Variants in SPART observed in about 807,000 individuals in gnomAD.
SPART encodes spartin, also known as spastic paraplegia 20 (Troyer syndrome).
SPART carries 35 observed loss-of-function variants against 58.7 expected under a neutral mutation model. That is an observed-to-expected ratio of 0.60 (90% confidence interval 0.46 to 0.79). The LOEUF (loss-of-function observed/expected upper bound fraction) is 0.79, where lower values mean the gene tolerates loss of function less well. Ranked by LOEUF, SPART falls within the 30% of genes least tolerant of loss-of-function variation. SPART has a pLI of 0.00. For missense variants in SPART, 730 were observed against 786.1 expected, an observed-to-expected ratio of 0.93 and a Z score of 0.85; for synonymous variants, 284 against 280.7, an observed-to-expected ratio of 1.01 and a Z score of -0.12.
intron 1 of SPART, among the ~76,000 whole-genome samples, chr13:36,340,220 A>T (rs1884440002): frequency 6.6e-6 from 1 of 151,930 alleles, no homozygotes; most frequent in Admixed American, 6.6e-5. Flanking sequence ...AATATTAGCC[A>T]GGCGTGGTGG....
chr13:36,334,376 C>T (rs1429882540), intron 2 of SPART, among the ~76,000 whole-genome samples: 3 of 152,074 alleles, frequency 2.0e-5, no homozygotes, highest in African/African-American at 7.2e-5. Context: ...AAATTATCAC[C>T]ACAGTCTCGA....
chr13:36,356,252 G>A (rs768584058), intron 1 of SPART, among the ~76,000 whole-genome samples: 2 of 152,124 alleles, frequency 1.3e-5, no homozygotes, highest in Non-Finnish European at 2.9e-5. Context: ...GGCGAGTCTC[G>A]CTGGCTGGTC....
chr13:36,366,979 C>T (rs535140646), intron 1 of SPART, among the ~76,000 whole-genome samples: 4 of 152,258 alleles, frequency 2.6e-5, no homozygotes, highest in African/African-American at 9.6e-5. Flanking sequence ...TTAGATCCAC[C>T]CCAGGAGGAG....
Position 36,331,556 on chromosome 13 carries a change from G to T in SPART, c.851C>A (p.Pro284Gln), listed in dbSNP as rs373829159. The T allele has an allele frequency of 4.3e-6, 7 of 1,613,834 alleles. No homozygotes were observed. The highest frequency in any genetic ancestry group is 5.1e-6 in the Non-Finnish European group (6 of 1,179,972). Residue 284 changes from proline (P) to glutamine (Q), a missense_variant, in exon 3 of 9, where the codon CCG (proline) becomes CAG (glutamine). Transcript: ENST00000438666. Reference sequence around the variant, plus strand: ...GGCTCCCGCAGTACATTTCAGAACCGGAGATCTATCAGGAACTAGAGGATA... The same window carrying T: ...GGCTCCCGCAGTACATTTCAGAACCTGAGATCTATCAGGAACTAGAGGATA... ...WLYPLVPDRS[P>Q]VLKCTAGAYM... is the part of the protein sequence containing the mutation.
At chr13:36,305,178 C>T (rs897808827) in intron 8 of SPART, among the ~76,000 whole-genome samples, 3 of 152,162 alleles carry the variant, frequency 2.0e-5, no homozygotes, top group Admixed American at 2.0e-4. Context: ...ACCAAGCACT[C>T]AAAGGCCTTA....
chr13:36,354,289 A>T (rs1885535250), intron 1 of SPART, among the ~76,000 whole-genome samples: 1 of 152,166 alleles, frequency 6.6e-6, no homozygotes, highest in East Asian at 1.9e-4. Flanking sequence ...GTCCAGGAAA[A>T]GGTGAATAAC....
chr13:36,306,721 A>C (rs1430084970), intron 8 of SPART, among the ~76,000 whole-genome samples: 1 of 151,384 alleles, frequency 6.6e-6, no homozygotes, highest in Non-Finnish European at 1.5e-5. Context: ...GCTATCTCCA[A>C]TGTCAGTAAC....
intron 4 of SPART, 60 bp downstream of exon 4, chr13:36,329,302 T>C: frequency 1.3e-6 from 2 of 1,586,162 alleles, no homozygotes; most frequent in South Asian, 1.1e-5. Context: ...TATAAATACA[T>C]GAAACTGGAG....
Position 36,365,550 on chromosome 13 carries a change from G to A in SPART, c.-3+4539C>T, listed in dbSNP as rs561264724. The A allele has an allele frequency of 4.7e-5, 21 of 450,784 alleles. 1 individual carries two copies. Among genetic ancestry groups the A allele is most frequent in the South Asian group, 3.0e-4 (18 of 59,106 alleles). 27.9% of individuals were successfully genotyped at this position (450,784 alleles called of 1,614,324 possible). ...TCCTGGATTTCTTCTCCTATAAACC[G>A]CCTATTGATACCTACCCACTTCTCT... is the stretch of plus-strand genomic sequence containing the variant. On this transcript the variant is annotated intron_variant, in intron 1 of 8. Coordinates refer to the SPART transcript ENST00000355182.
At chr13:36,313,732 T>C (rs1183694420) in intron 6 of SPART, among the ~76,000 whole-genome samples, 2 of 152,222 alleles carry the variant, frequency 1.3e-5, no homozygotes, top group Non-Finnish European at 2.9e-5. Flanking sequence ...ATAGGCTATA[T>C]CATATAGCCT....
At chr13:36,340,523 C>A (rs1884476262) in intron 1 of SPART, among the ~76,000 whole-genome samples, 2 of 151,874 alleles carry the variant, frequency 1.3e-5, no homozygotes, top group African/African-American at 4.8e-5. Context: ...TTAAAGGCAA[C>A]AATAGAAGAA....
chr13:36,336,529 G>T (rs1028099746), intron 1 of SPART, among the ~76,000 whole-genome samples: 1 of 152,162 alleles, frequency 6.6e-6, no homozygotes, highest in African/African-American at 2.4e-5. Flanking sequence ...CTTAACAGAT[G>T]GCTAAAATTT....
At chr13:36,306,557 A>T (rs919714495) in intron 8 of SPART, among the ~76,000 whole-genome samples, 5 of 152,178 alleles carry the variant, frequency 3.3e-5, no homozygotes, top group African/African-American at 1.2e-4. Flanking sequence ...ACTTCTGAGA[A>T]TTTGGAATGT....
intron 5 of SPART, among the ~76,000 whole-genome samples, chr13:36,321,734 T>A (rs1419890976): frequency 6.6e-6 from 1 of 152,072 alleles, no homozygotes; most frequent in African/African-American, 2.4e-5. Context: ...ATATAAGAAG[T>A]CAGGAATGTC....
upstream of SPART, among the ~76,000 whole-genome samples, chr13:36,348,572 C>T (rs1885286659): frequency 1.3e-5 from 2 of 152,068 alleles, no homozygotes; most frequent in African/African-American, 4.8e-5. Context: ...TAGCAATGAA[C>T]ATTTCAAAAA....
chr13:36,304,338 T>C lies in SPART; in HGVS notation c.*27A>G, dbSNP rs778928896. 1 of 1,613,894 alleles carries C rather than the reference T, an allele frequency of 6.2e-7. No individual in the cohort carries two copies. Among genetic ancestry groups the C allele is most frequent in the Non-Finnish European group, 8.5e-7 (1 of 1,179,844 alleles). The stretch of plus-strand genomic sequence containing the variant: ...AAAATTTCATCCATTTCATAAGGCT[T>C]TGGTATAAGTGATTCCCAGCACTTC... On this transcript the variant is annotated 3_prime_UTR_variant, in exon 9 of 9. Transcript: ENST00000438666.
chr13:36,321,547 A>G (rs982414417), intron 5 of SPART, among the ~76,000 whole-genome samples: 3 of 151,432 alleles, frequency 2.0e-5, no homozygotes, highest in African/African-American at 7.3e-5. Flanking sequence ...CCACAATATC[A>G]CCCCTTACCA....
chr13:36,328,165 T>C (rs1322539649), intron 4 of SPART, among the ~76,000 whole-genome samples: 1 of 152,212 alleles, frequency 6.6e-6, no homozygotes, highest in Non-Finnish European at 1.5e-5. Context: ...TGGAACCATT[T>C]TGGACTTCCA....
At chr13:36,314,540 T>C in intron 5 of SPART, 119 bp from the exon 6 acceptor site, 1 of 990,234 alleles carries the variant, frequency 1.0e-6, no homozygotes, top group Non-Finnish European at 1.5e-6. Context: ...ATGCTAAATG[T>C]GCCATGTCAT....
Sources: gnomAD v4.1 joint callset for allele counts (sites outside exome capture counted in the v4.1 genomes callset) on GRCh38, gnomAD v4.1.1 for gene constraint, MANE v1.5 for transcripts, NCBI Gene and HGNC (gene_info 2026-07-23, HGNC 2026-07-21) for gene names.